SLC12A8: variants seen among roughly 807,000 people sequenced by gnomAD.
SLC12A8 encodes the protein cation-chloride cotransporter 9.
A neutral mutation model predicts 75.6 loss-of-function variants in SLC12A8; 69 were observed. That is an observed-to-expected ratio of 0.91 (90% confidence interval 0.75 to 1.11). The LOEUF (loss-of-function observed/expected upper bound fraction) is 1.11, where lower values mean the gene tolerates loss of function less well. Ranked by LOEUF, SLC12A8 falls within the 50% of genes most tolerant of loss-of-function variation. The pLI is 0.00. For missense variants in SLC12A8, 877 were observed against 896.7 expected (o/e 0.98, Z 0.28); for synonymous variants, 365 against 372.8 (o/e 0.98, Z 0.24).
In SLC12A8 at chr3:125,107,888, A is replaced by C. The variant is rs774322642; in HGVS notation, c.1298T>G (p.Leu433Arg). The part of the protein sequence containing the change: ...GAEGLHCSEH[L>R]LLEKAPSYGS... ...GTAACTGGGAGCTTTCTCTAAGAGC[A>C]GGTGCTCAGAGCAGTGGAGGCCTTC... Residue 433 changes from leucine to arginine, a missense_variant, in exon 10 of 14, where the codon CTG becomes CGG. Physicochemically the swap from Leu to Arg is moderately radical, Grantham distance 102 (BLOSUM62 -2). Coordinates refer to ENST00000469902, the MANE Select transcript of SLC12A8 (RefSeq NM_024628.6). 1.2e-5 allele frequency: 20 copies of C among 1,614,222 alleles called. No individual in the cohort carries two copies. Among genetic ancestry groups the C allele is most frequent in the Non-Finnish European group, 1.7e-5 (20 of 1,180,042 alleles).
In SLC12A8 at chr3:125,187,259, C is replaced by T. The variant is rs1934807204; in HGVS notation, c.368G>A (p.Gly123Glu). Residue 123 changes from glycine to glutamate, a missense_variant, in exon 4 of 14, where the codon GGG becomes GAG. Physicochemically the swap from Gly to Glu is moderately conservative, Grantham distance 98. Transcript: ENST00000469902. ...CACCTGTCCAAACACATAGAGCAGC[C>T]CGATGGTGCCTCCCGTCTGCCCACC... ...VLGGQTGGTI[G>E]LLYVFGQCVA... is the part of the protein sequence containing the mutation. The T allele has an allele frequency of 1.2e-6, 2 of 1,614,026 alleles. No individual in the cohort carries two copies. Among genetic ancestry groups the T allele is most frequent in the Non-Finnish European group, 1.7e-6 (2 of 1,180,020 alleles).
intron 6 of SLC12A8, among the ~76,000 whole-genome samples, chr3:125,131,836 G>A (rs749960016): frequency 2.0e-5 from 3 of 152,180 alleles, no homozygotes; most frequent in Non-Finnish European, 4.4e-5. Context: ...CTGGAGTCGG[G>A]GGCAGGGAGA....
At chr3:125,193,061 G>C (rs1051645439) in intron 2 of SLC12A8, among the ~76,000 whole-genome samples, 77 of 152,326 alleles carry the variant, frequency 5.1e-4, no homozygotes, top group African/African-American at 1.8e-3. Context: ...TGCCTCCCAG[G>C]CATCCATGTA....
At chr3:125,160,685 G>T (rs1413626666) in intron 5 of SLC12A8, among the ~76,000 whole-genome samples, 3 of 152,202 alleles carry the variant, frequency 2.0e-5, no homozygotes, top group Non-Finnish European at 2.9e-5. Flanking sequence ...CCCTAAAAGT[G>T]GCAAACTTAG....
intron 7 of SLC12A8, 55 bp from the exon 8 acceptor site, chr3:125,118,911 A>T: frequency 8.3e-7 from 1 of 1,202,112 alleles, no homozygotes; most frequent in South Asian, 1.2e-5. Flanking sequence ...ACCCAGCCCC[A>T]TCCAATTCCC....
At chr3:125,205,279 G>A (rs1935204833) in intron 2 of SLC12A8, among the ~76,000 whole-genome samples, 1 of 152,256 alleles carries the variant, frequency 6.6e-6, no homozygotes, top group East Asian at 1.9e-4. Context: ...CTCTTCTCAA[G>A]CAAGGTAAGT....
intron 3 of SLC12A8, among the ~76,000 whole-genome samples, chr3:125,188,733 C>A (rs1181081348): frequency 1.3e-5 from 2 of 152,200 alleles, no homozygotes; most frequent in African/African-American, 4.8e-5. Flanking sequence ...AGCTGAGTGG[C>A]CTAACATGAG....
At chr3:125,140,935 C>T (rs1019802462) in intron 5 of SLC12A8, among the ~76,000 whole-genome samples, 1 of 152,116 alleles carries the variant, frequency 6.6e-6, no homozygotes, top group Non-Finnish European at 1.5e-5. Context: ...AGTCTCTTTG[C>T]CTCTCTGTTG....
intron 12 of SLC12A8, 31 bp downstream of exon 12, chr3:125,091,408 G>T (rs772036954): frequency 7.0e-7 from 1 of 1,433,440 alleles, no homozygotes; most frequent in Non-Finnish European, 9.8e-7. Context: ...GAGAATGAGG[G>T]AACCAGTGGC....
At chr3:125,156,613 GA>G (rs1243919037) in intron 5 of SLC12A8, among the ~76,000 whole-genome samples, 4 of 152,182 alleles carry the variant, frequency 2.6e-5, no homozygotes, top group Non-Finnish European at 4.4e-5. Flanking sequence ...GGTGGGATGA[GA>G]AGGGCGGGAA....
At chr3:125,090,194 C>T (rs529831581) in intron 12 of SLC12A8, among the ~76,000 whole-genome samples, 27 of 152,158 alleles carry the variant, frequency 1.8e-4, no homozygotes, top group African/African-American at 4.6e-4. Flanking sequence ...CAGGTGTGTG[C>T]GAACTGTGCC....
chr3:125,161,854 C>A lies in SLC12A8; in HGVS notation c.622+15889G>T, dbSNP rs554598004. Among the ~76,000 whole-genome samples the A allele has an allele frequency of 2.6e-5, 4 of 152,186 alleles. No individual in the cohort carries two copies. The South Asian group carries it at 6.2e-4, about 24-fold the overall frequency. On this transcript the variant is annotated intron_variant, in intron 5 of 13. Coordinates refer to ENST00000469902, the MANE Select transcript of SLC12A8 (RefSeq NM_024628.6). ...GCACTCTTTTGTCCAGTATATAACG[C>A]CTCCCTAAGCATCTCCTTTCCTTGC...
intron 8 of SLC12A8, among the ~76,000 whole-genome samples, chr3:125,115,347 C>T (rs550378081): frequency 3.9e-5 from 6 of 152,116 alleles, no homozygotes; most frequent in Non-Finnish European, 7.4e-5. Context: ...CATGGTGAAA[C>T]CCCGTTTCTA....
At chr3:125,093,964 T>C (rs1218291757) in intron 10 of SLC12A8, among the ~76,000 whole-genome samples, 3 of 152,204 alleles carry the variant, frequency 2.0e-5, no homozygotes, top group Admixed American at 6.5e-5. Context: ...TCAGCATCCA[T>C]TGTCATCATT....
At chr3:125,102,349 G>A (rs1008970469) in intron 10 of SLC12A8, among the ~76,000 whole-genome samples, 1 of 152,184 alleles carries the variant, frequency 6.6e-6, no homozygotes, top group Non-Finnish European at 1.5e-5. Context: ...TACAGTGCAT[G>A]GGTTGTCATG....
chr3:125,123,236 G>C (rs1187789710), intron 6 of SLC12A8, among the ~76,000 whole-genome samples: 1 of 152,078 alleles, frequency 6.6e-6, no homozygotes, highest in Admixed American at 6.6e-5. Flanking sequence ...GTAGCCAGGT[G>C]TGGTGGTGCA....
chr3:125,209,584 AT>A (rs1223701027), intron 2 of SLC12A8, among the ~76,000 whole-genome samples: 3 of 152,228 alleles, frequency 2.0e-5, no homozygotes, highest in African/African-American at 4.8e-5. Context: ...GGCAACTTCT[AT>A]ACACAACACA....
chr3:125,085,927 C>T (rs1938448425), intron 13 of SLC12A8, among the ~76,000 whole-genome samples: 1 of 147,618 alleles, frequency 6.8e-6, no homozygotes. Context: ...TTTTTTGAGA[C>T]AAGGTCTCAC....
chr3:125,155,656 C>CAGGAGGATGGCATGAACCT (rs1934032559), intron 5 of SLC12A8, among the ~76,000 whole-genome samples: 2 of 110,364 alleles, frequency 1.8e-5, no homozygotes. Flanking sequence ...GAGGCTGAGA[C>CAGGAGGATGGCATGAACCT]AGGAGGATGG....
Sources: gnomAD v4.1 joint callset for allele counts (sites outside exome capture counted in the v4.1 genomes callset) on GRCh38, gnomAD v4.1.1 for gene constraint, MANE v1.5 for transcripts, NCBI Gene and HGNC (gene_info 2026-07-23, HGNC 2026-07-21) for gene names.